Variants in DNAH9 observed in about 807,000 individuals in gnomAD.
DNAH9 encodes the protein dynein axonemal heavy chain 9, also known as DNAH9 variant protein.
DNAH9 carries 345 observed loss-of-function variants against 471.6 expected under a neutral mutation model. The ratio of observed to expected loss-of-function variants is 0.73; its 90% CI spans 0.67 to 0.80. The LOEUF (loss-of-function observed/expected upper bound fraction) is 0.80. Among genes scored for constraint, DNAH9 ranks in the 30% least tolerant of loss-of-function variants. The pLI, the probability that DNAH9 is intolerant of heterozygous loss-of-function variation, is 0.00. For synonymous variants in DNAH9, 2,093 were observed against 2,123.6 expected (o/e 0.99, Z 0.40); for missense variants, 5,407 against 5,609.2 (o/e 0.96, Z 1.15).
At chr17:11,823,951 AAAAG>A (rs945069185) in intron 48 of DNAH9, among the ~76,000 whole-genome samples, 2 of 150,448 alleles carry the variant, frequency 1.3e-5, no homozygotes, top group East Asian at 1.9e-4. Context: ...AAGAAAGAAA[AAAAG>A]AAAGAAAGAA....
At chr17:11,655,761 G>A (rs1235789036) in intron 14 of DNAH9, among the ~76,000 whole-genome samples, 1 of 151,964 alleles carries the variant, frequency 6.6e-6, no homozygotes, top group Non-Finnish European at 1.5e-5. Flanking sequence ...AGTAACTCAG[G>A]AATGGAAAAC....
chr17:11,618,260 A>G (rs1406250912), intron 5 of DNAH9, among the ~76,000 whole-genome samples: 2 of 152,186 alleles, frequency 1.3e-5, no homozygotes, highest in African/African-American at 4.8e-5. Context: ...AGCACCAACC[A>G]GGGCAGCATA....
At chr17:11,618,077 G>A (rs370935777) in intron 5 of DNAH9, among the ~76,000 whole-genome samples, 1 of 152,186 alleles carries the variant, frequency 6.6e-6, no homozygotes, top group East Asian at 1.9e-4. Flanking sequence ...CTCCTCCTCT[G>A]TACAATGGTG....
At position 11,760,533 on chromosome 17, in the gene DNAH9, T is replaced by A. The variant is rs542816257; in HGVS notation, c.6995+2841T>A. On this transcript the variant is annotated intron_variant, in intron 35 of 68. Transcript: ENST00000262442. ...GTTAGTTTTTTTTATTTTTATTTTT[T>A]TTTTGAGACGGAGTCTTGCTCTGTC... Among the ~76,000 whole-genome samples the A allele has an allele frequency of 1.3e-3, 191 of 152,222 alleles. 1 individual carries two copies. Among genetic ancestry groups the A allele is most frequent in the African/African-American group, 4.2e-3 (173 of 41,514 alleles).
chr17:11,896,440 T>C (rs1973222074), intron 59 of DNAH9, among the ~76,000 whole-genome samples: 1 of 152,222 alleles, frequency 6.6e-6, no homozygotes, highest in Admixed American at 6.5e-5. Flanking sequence ...GTGGGCCAGA[T>C]TGGGCCTGCA....
intron 45 of DNAH9, among the ~76,000 whole-genome samples, chr17:11,816,507 A>G (rs1424574823): frequency 6.6e-6 from 1 of 152,252 alleles, no homozygotes; most frequent in East Asian, 1.9e-4. Context: ...ACAAAGGGAC[A>G]GAGTACTGAA....
At chr17:11,967,443 ATAAT>A (rs1976830331) in intron 68 of DNAH9, among the ~76,000 whole-genome samples, 1 of 152,166 alleles carries the variant, frequency 6.6e-6, no homozygotes, top group Non-Finnish European at 1.5e-5. Context: ...GCAACCACTA[ATAAT>A]TTAAAAAATA....
intron 6 of DNAH9, among the ~76,000 whole-genome samples, chr17:11,621,866 G>A (rs2072875419): frequency 1.3e-5 from 2 of 152,142 alleles, no homozygotes; most frequent in Admixed American, 1.3e-4. Context: ...TGGATCACAA[G>A]GTCAGGAGTT....
At chr17:11,844,173 G>A (rs200000556) in intron 49 of DNAH9, among the ~76,000 whole-genome samples, 3 of 151,610 alleles carry the variant, frequency 2.0e-5, no homozygotes, top group East Asian at 3.9e-4. Context: ...CTTTCTAAAT[G>A]CAGAAACAAA....
chr17:11,756,028 G>C (rs1262680336), intron 33 of DNAH9, among the ~76,000 whole-genome samples: 1 of 152,120 alleles, frequency 6.6e-6, no homozygotes, highest in African/African-American at 2.4e-5. Context: ...AAGCCTGTGA[G>C]CACTTTGGGA....
intron 26 of DNAH9, among the ~76,000 whole-genome samples, chr17:11,708,946 A>G (rs1188427230): frequency 6.6e-6 from 1 of 152,182 alleles, no homozygotes; most frequent in Non-Finnish European, 1.5e-5. Context: ...ATGCAATGAA[A>G]TGATTCCTGA....
At chr17:11,758,110 C>G (rs1057290755) in intron 35 of DNAH9, among the ~76,000 whole-genome samples, 1 of 152,162 alleles carries the variant, frequency 6.6e-6, no homozygotes, top group Non-Finnish European at 1.5e-5. Flanking sequence ...GTGGGGCCCA[C>G]TCCCCGTCCC....
At chr17:11,944,438 A>G (rs1339700398) in intron 67 of DNAH9, among the ~76,000 whole-genome samples, 2 of 152,166 alleles carry the variant, frequency 1.3e-5, no homozygotes, top group Non-Finnish European at 2.9e-5. Context: ...AGGTGATCAC[A>G]AAAGGCAGGG....
chr17:11,621,002 C>G (rs1379469210), intron 6 of DNAH9, among the ~76,000 whole-genome samples: 1 of 152,090 alleles, frequency 6.6e-6, no homozygotes, highest in African/African-American at 2.4e-5. Context: ...TAACAGGTCT[C>G]TCAACATTTT....
At chr17:11,671,570 G>A (rs1036633489) in intron 17 of DNAH9, among the ~76,000 whole-genome samples, 5 of 152,182 alleles carry the variant, frequency 3.3e-5, no homozygotes, top group African/African-American at 1.2e-4. Flanking sequence ...GGGCTGATTA[G>A]GGCAGGGGGA....
In DNAH9 at chr17:11,680,741, A is replaced by G. The variant is rs1204604816; in HGVS notation, c.3595A>G (p.Asn1199Asp). The change falls in exon 19 of 69, where the codon AAC becomes GAC. Residue 1199 changes from asparagine (N) to aspartate (D), a missense_variant. Asn to Asp is a conservative substitution (Grantham distance 23). Coordinates refer to ENST00000262442, the MANE Select transcript of DNAH9 (RefSeq NM_001372.4). ...KQLEELPEKW[N>D]NIKKVAITVK... ...TTTGCAGGAGCTGCCTGAGAAATGG[A>G]ACAACATAAAAAAGGTGGCCATTAC... 1 of 1,614,036 alleles carries G rather than the reference A, an allele frequency of 6.2e-7. No homozygotes were observed. Among genetic ancestry groups the G allele is most frequent in the Admixed American group, 1.7e-5 (1 of 60,004 alleles).
chr17:11,804,237 A>G (rs1969576042), intron 43 of DNAH9, among the ~76,000 whole-genome samples: 1 of 152,248 alleles, frequency 6.6e-6, no homozygotes, highest in African/African-American at 2.4e-5. Flanking sequence ...TCATAAAATT[A>G]CTGAATGTAG....
chr17:11,706,646 A>T (rs960900929), intron 26 of DNAH9, among the ~76,000 whole-genome samples: 2 of 152,298 alleles, frequency 1.3e-5, no homozygotes, highest in South Asian at 4.1e-4. Context: ...AGCGTGAAGG[A>T]TGTATTGGAT....
chr17:11,763,867 C>A (rs137854954), intron 36 of DNAH9, among the ~76,000 whole-genome samples: 58 of 152,226 alleles, frequency 3.8e-4, no homozygotes, highest in Middle Eastern at 3.4e-3. Context: ...TCTTTGATTT[C>A]TTGGGAACTT....
Sources: gnomAD v4.1 joint callset for allele counts (sites outside exome capture counted in the v4.1 genomes callset) on GRCh38, gnomAD v4.1.1 for gene constraint, MANE v1.5 for transcripts, NCBI Gene and HGNC (gene_info 2026-07-23, HGNC 2026-07-21) for gene names.